Variants in CAND2 observed in about 807,000 individuals in gnomAD.
CAND2 encodes the protein cullin associated and neddylation dissociated 2 (putative).
CAND2 carries 62 observed loss-of-function variants against 98.9 expected under a neutral mutation model. That is an observed-to-expected ratio of 0.63 (90% CI 0.51 to 0.77). CAND2 has a LOEUF of 0.77. Ranked by LOEUF, CAND2 falls within the 30% of genes least tolerant of loss-of-function variation. The probability of loss-of-function intolerance (pLI) is 0.00; values close to 1 mark genes in which losing one functional copy is unlikely to be tolerated. For synonymous variants in CAND2, 770 were observed against 731.9 expected (o/e 1.05, Z -0.84); for missense variants, 1,501 against 1,655.2 (o/e 0.91, Z 1.62).
chr3:12,803,228 G>A (rs963646381), intron 1 of CAND2, among the ~76,000 whole-genome samples: 6 of 152,070 alleles, frequency 3.9e-5, no homozygotes, highest in African/African-American at 1.2e-4. Context: ...TCCTGACCTC[G>A]TGATCTGCCC....
rs1211238591 is a variant in CAND2 at position 12,810,263 on chromosome 3, T to A, written c.696T>A (p.Thr232=). The A allele has an allele frequency of 1.3e-6, 2 of 1,514,572 alleles. No individual in the cohort carries two copies. The highest frequency in any genetic ancestry group is 2.9e-5 in the African/African-American group (2 of 69,492). 93.8% of individuals were successfully genotyped at this position (1,514,572 alleles called of 1,614,324 possible). The change falls in exon 5 of 15, where the codon ACT becomes ACA. Residue 232 remains threonine, a synonymous_variant. Transcript: ENST00000456430. ...LPGPRVPTSP[T]AIRTLIQCLG... is the part of the protein sequence containing the mutation. ...GCCCGCGGGTGCCCACCAGCCCGACTGCCATCCGCACCCTGATCCAATGTT... is the reference window on the plus strand; with the variant it reads ...GCCCGCGGGTGCCCACCAGCCCGACAGCCATCCGCACCCTGATCCAATGTT...
intron 13 of CAND2, among the ~76,000 whole-genome samples, chr3:12,829,580 C>G (rs1365784123): frequency 2.0e-5 from 3 of 152,156 alleles, no homozygotes; most frequent in Non-Finnish European, 4.4e-5. Context: ...AATAAAGAAG[C>G]AAGTAATAAT....
intron 12 of CAND2, among the ~76,000 whole-genome samples, 172 bp downstream of exon 12, chr3:12,825,811 C>G (rs2061994713): frequency 6.6e-6 from 1 of 152,258 alleles, no homozygotes; most frequent in Non-Finnish European, 1.5e-5. Flanking sequence ...CTGATCCTCT[C>G]TGAGCCTCAG....
chr3:12,821,574 C>G (rs986357304), intron 11 of CAND2, among the ~76,000 whole-genome samples: 19 of 152,172 alleles, frequency 1.2e-4, no homozygotes, highest in African/African-American at 4.6e-4. Flanking sequence ...GGGCACATGC[C>G]CCCCCTCCGG....
At chr3:12,816,276 T>G (rs2061899969) in intron 9 of CAND2, 98 bp from the exon 10 acceptor site, 5 of 1,236,256 alleles carry the variant, frequency 4.0e-6, no homozygotes, top group Non-Finnish European at 5.7e-6. Context: ...GGTGCTTCAG[T>G]CCAGCTCAGG....
At chr3:12,801,017 C>A (rs1383574183) in intron 1 of CAND2, among the ~76,000 whole-genome samples, 6 of 150,826 alleles carry the variant, frequency 4.0e-5, no homozygotes, top group Admixed American at 4.0e-4. Flanking sequence ...GCTGCTGCGC[C>A]CAGCCTGGAA....
intron 2 of CAND2, among the ~76,000 whole-genome samples, chr3:12,805,783 C>G (rs1031005530): frequency 6.6e-6 from 1 of 152,204 alleles, no homozygotes; most frequent in Non-Finnish European, 1.5e-5. Flanking sequence ...GGCCTTTTGC[C>G]TATACAAATG....
chr3:12,833,065 G>A (rs1459937703), intron 14 of CAND2, among the ~76,000 whole-genome samples: 1 of 152,122 alleles, frequency 6.6e-6, no homozygotes, highest in Non-Finnish European at 1.5e-5. Flanking sequence ...CAGCTCTTGG[G>A]GGCAGAGCCA....
At chr3:12,827,219 G>A (rs1451377332) in intron 12 of CAND2, among the ~76,000 whole-genome samples, 2 of 152,216 alleles carry the variant, frequency 1.3e-5, no homozygotes, top group African/African-American at 4.8e-5. Context: ...CTCAGACAGT[G>A]CCTGCTCAGT....
chr3:12,797,744 T>C (rs2061736648), intron 1 of CAND2, among the ~76,000 whole-genome samples: 1 of 143,776 alleles, frequency 7.0e-6, no homozygotes. Context: ...AAACTGAGTC[T>C]CAGAGACATG....
intron 1 of CAND2, among the ~76,000 whole-genome samples, chr3:12,799,645 G>A (rs1448199152): frequency 1.3e-5 from 2 of 152,202 alleles, no homozygotes; most frequent in African/African-American, 2.4e-5. Context: ...AAAGCCCTCT[G>A]CAGACCTGTT....
rs2062076705 is a variant in CAND2, at chr3:12,833,939, A to C, written c.3668A>C (p.Asp1223Ala). The C allele has an allele frequency of 1.2e-6, 2 of 1,614,190 alleles. No individual in the cohort carries two copies. The highest frequency in any genetic ancestry group is 2.2e-5 in the East Asian group (1 of 44,880). The stretch of plus-strand genomic sequence containing the variant: ...GCCCTCTTTGAAAGCATCCAGAAGG[A>C]TTCCGCTTCAGCCCCCAGCACAGAC... ...LAALFESIQKDSASAPSTDSM... is the reference protein window; with the variant it reads ...LAALFESIQKASASAPSTDSM... Residue 1223 changes from aspartate to alanine, a missense_variant, in exon 15 of 15, where the codon GAT (aspartate) becomes GCT (alanine). Asp to Ala is a moderately radical substitution (Grantham distance 126). Around this residue, in one of 3 missense-constraint regions of CAND2, gnomAD observed 1,427 missense variants for 1,545.3 expected, o/e 0.92. Coordinates refer to ENST00000456430, the MANE Select transcript of CAND2 (RefSeq NM_001162499.2).
At chr3:12,812,364 C>T (rs1252690381) in intron 5 of CAND2, among the ~76,000 whole-genome samples, 1 of 149,884 alleles carries the variant, frequency 6.7e-6, no homozygotes, top group African/African-American at 2.5e-5. Flanking sequence ...GCTGGGACTA[C>T]AGGTGTGTGC....
rs986588625 is a variant in CAND2 at position 12,817,557 on chromosome 3, G to A, written c.2625G>A (p.Glu875=). 11 of 1,613,794 alleles carry A rather than the reference G, an allele frequency of 6.8e-6. No individual in the cohort carries two copies. In the Admixed American group the frequency reaches 8.3e-5, roughly 12 times the overall value. The change falls in exon 10 of 15, where the codon GAG becomes GAA. Residue 875 remains glutamate, a synonymous_variant. Coordinates refer to ENST00000456430, the MANE Select transcript of CAND2 (RefSeq NM_001162499.2). The stretch of plus-strand genomic sequence containing the variant: ...TGGAAGCTTTGGGGTCACCCAGTGA[G>A]GATGTGAGGGCTGCAGCCTCGTATG... ...VLLEALGSPS[E]DVRAAASYAL...
At chr3:12,820,020 T>C (rs2061943577) in intron 10 of CAND2, 66 bp from the exon 11 acceptor site, 2 of 1,314,104 alleles carry the variant, frequency 1.5e-6, no homozygotes, top group African/African-American at 1.4e-5. Context: ...CCTAAGCACC[T>C]TCTGATCTGT....
intron 5 of CAND2, 113 bp downstream of exon 5, chr3:12,810,437 T>TG: frequency 1.3e-6 from 1 of 757,258 alleles, no homozygotes; most frequent in East Asian, 1.4e-4. Context: ...GGCCTAAGGG[T>TG]GGGCCGTCTG....
intron 4 of CAND2, among the ~76,000 whole-genome samples, chr3:12,809,619 G>C (rs1371105930): frequency 6.6e-6 from 1 of 152,116 alleles, no homozygotes; most frequent in African/African-American, 2.4e-5. Context: ...TGAGCCCAGA[G>C]CTCAGCATCT....
At chr3:12,801,696 G>A (rs1459346234) in intron 1 of CAND2, among the ~76,000 whole-genome samples, 3 of 152,190 alleles carry the variant, frequency 2.0e-5, no homozygotes, top group South Asian at 4.1e-4. Flanking sequence ...ATTGGCGCTG[G>A]TCTCCAAAAT....
chr3:12,817,020 G>A lies in CAND2; in HGVS notation c.2088G>A (p.Leu696=). The A allele has an allele frequency of 6.2e-7, 1 of 1,613,102 alleles. No individual in the cohort carries two copies. The highest frequency in any genetic ancestry group is 1.1e-5 in the South Asian group (1 of 91,076). ...SLPPSAVQAV[L]AELPALVNES... Reference sequence around the variant, plus strand: ...CACCGTCTGCCGTGCAGGCCGTGCTGGCTGAGCTGCCTGCCCTGGTCAACG... The same window carrying A: ...CACCGTCTGCCGTGCAGGCCGTGCTAGCTGAGCTGCCTGCCCTGGTCAACG... The change falls in exon 10 of 15, where the codon CTG becomes CTA. Residue 696 remains leucine (L), a synonymous_variant. Transcript: ENST00000456430.
Sources: gnomAD v4.1 joint callset for allele counts (sites outside exome capture counted in the v4.1 genomes callset) on GRCh38, gnomAD v4.1.1 for gene constraint, gnomAD v4.1.1 regional missense constraint, MANE v1.5 for transcripts, NCBI Gene and HGNC (gene_info 2026-07-23, HGNC 2026-07-21) for gene names.